ZFHX3: variants seen among roughly 807,000 people sequenced by gnomAD.
The protein encoded by ZFHX3 is zinc finger homeobox 3.
A neutral mutation model predicts 279.1 loss-of-function variants in ZFHX3; 42 were observed. The ratio of observed to expected loss-of-function variants is 0.15; its 90% CI spans 0.12 to 0.19. The LOEUF (loss-of-function observed/expected upper bound fraction) is 0.19. ZFHX3 is among the 10% of genes least tolerant of loss of function. The probability of loss-of-function intolerance (pLI) is 1.00; values close to 1 mark genes in which losing one functional copy is unlikely to be tolerated. For missense variants in ZFHX3, 4,981 were observed against 4,754.0 expected, an observed-to-expected ratio of 1.05 and a Z score of -1.40; for synonymous variants, 2,293 against 1,957.8, an observed-to-expected ratio of 1.17 and a Z score of -4.52.
intron 8 of ZFHX3, among the ~76,000 whole-genome samples, chr16:73,085,412 C>T (rs1757667517): frequency 6.6e-6 from 1 of 152,120 alleles, no homozygotes; most frequent in South Asian, 2.1e-4. Context: ...GTGTGCACCA[C>T]CACGCCCAGC....
intron 3 of ZFHX3, among the ~76,000 whole-genome samples, chr16:73,402,886 C>A (rs557423200): frequency 1.1e-3 from 157 of 148,034 alleles, no homozygotes; most frequent in African/African-American, 3.9e-3. Context: ...GGCTGTCGTA[C>A]ATATGGAAAA....
intron 5 of ZFHX3, among the ~76,000 whole-genome samples, chr16:73,172,334 G>T (rs1364770894): frequency 1.3e-5 from 2 of 152,322 alleles, no homozygotes; most frequent in Non-Finnish European, 1.5e-5. Context: ...CAGGCGCTTC[G>T]TGTTCTTCCC....
chr16:73,311,168 G>A (rs375274001), intron 4 of ZFHX3, among the ~76,000 whole-genome samples: 2 of 152,142 alleles, frequency 1.3e-5, no homozygotes, highest in Admixed American at 6.5e-5. Flanking sequence ...GGGAGGCAGA[G>A]GTTGCAGAGA....
At chr16:72,863,049 G>A (rs1052203789) in intron 4 of ZFHX3, among the ~76,000 whole-genome samples, 1 of 151,930 alleles carries the variant, frequency 6.6e-6, no homozygotes, top group Non-Finnish European at 1.5e-5. Flanking sequence ...TTTGAGACCA[G>A]CCTGGGCAAC....
At chr16:72,858,114 G>A (rs910358639) in intron 4 of ZFHX3, among the ~76,000 whole-genome samples, 1 of 152,276 alleles carries the variant, frequency 6.6e-6, no homozygotes, top group East Asian at 1.9e-4. Flanking sequence ...GCTTCCCTTG[G>A]TGCCCCCATC....
At chr16:73,140,169 G>A (rs1055846469) in intron 6 of ZFHX3, among the ~76,000 whole-genome samples, 1 of 152,102 alleles carries the variant, frequency 6.6e-6, no homozygotes, top group Non-Finnish European at 1.5e-5. Flanking sequence ...TTGGGAGGCC[G>A]AGTTGGGAAG....
At chr16:73,297,369 T>C (rs527747515) in intron 4 of ZFHX3, among the ~76,000 whole-genome samples, 36 of 152,116 alleles carry the variant, frequency 2.4e-4, no homozygotes, top group African/African-American at 8.5e-4. Flanking sequence ...AGGACAAACC[T>C]ACATGTGTGT....
chr16:73,692,650 T>C (rs2053160582), intron 1 of ZFHX3, among the ~76,000 whole-genome samples: 2 of 152,218 alleles, frequency 1.3e-5, no homozygotes, highest in African/African-American at 4.8e-5. Flanking sequence ...TTTGCCCAAG[T>C]GCAAATACTT....
At chr16:73,802,196 C>T (rs569375709) in intron 1 of ZFHX3, among the ~76,000 whole-genome samples, 20 of 152,050 alleles carry the variant, frequency 1.3e-4, no homozygotes, top group African/African-American at 4.3e-4. Flanking sequence ...CTTCATAAAA[C>T]CCCACTCCCA....
At chr16:73,546,754 T>C (rs891918646) in intron 2 of ZFHX3, among the ~76,000 whole-genome samples, 5 of 126,002 alleles carry the variant, frequency 4.0e-5, no homozygotes, top group Non-Finnish European at 9.1e-5. Context: ...TTTTTCGGCT[T>C]CTTCTTCTCC....
At chr16:73,360,811 T>A (rs2016422013) in intron 3 of ZFHX3, among the ~76,000 whole-genome samples, 1 of 152,192 alleles carries the variant, frequency 6.6e-6, no homozygotes, top group Admixed American at 6.5e-5. Flanking sequence ...TGCTGTCTCT[T>A]ACATTAAGTC....
At chr16:73,181,411 C>A (rs1342696902) in intron 5 of ZFHX3, among the ~76,000 whole-genome samples, 1 of 152,082 alleles carries the variant, frequency 6.6e-6, no homozygotes, top group East Asian at 1.9e-4. Flanking sequence ...GTTTTTAGAG[C>A]CCCATGGATT....
chr16:73,041,416 G>A lies in ZFHX3; in HGVS notation c.-50+6336C>T, dbSNP rs1965107764. 1.3e-5 allele frequency among the ~76,000 whole-genome samples: 2 copies of A among 151,132 alleles called. 1 individual carries two copies. On this transcript the variant is annotated intron_variant, in intron 1 of 9. Coordinates refer to ENST00000268489, the MANE Select transcript of ZFHX3 (RefSeq NM_006885.4). ...CCGTTAAAAAAGGGTGTGCAGGGCT[G>A]AGGTGACCCTACTACCGTCATTTCT...
intron 2 of ZFHX3, among the ~76,000 whole-genome samples, chr16:73,566,739 G>A (rs1009223982): frequency 6.8e-6 from 1 of 146,874 alleles, no homozygotes; most frequent in Non-Finnish European, 1.5e-5. Flanking sequence ...TTGTTGTCCA[G>A]GCTGGAGCGC....
rs1227712087 is a variant in ZFHX3, at chr16:73,073,254, A to T, written c.-532-14242T>A. ...GCCCATTGAAATGGCCCTGGCAGCC[A>T]GTCAGAAGAGAATCCAGTTATTATG... On this transcript the variant is annotated intron_variant, in intron 8 of 17. Coordinates refer to the ZFHX3 transcript ENST00000641206. Among the ~76,000 whole-genome samples the T allele has an allele frequency of 2.0e-5, 3 of 152,270 alleles. 1 individual carries two copies. The South Asian group carries it at 6.2e-4, about 32-fold the overall frequency.
At chr16:73,003,168 AT>A (rs1597077827) in intron 1 of ZFHX3, among the ~76,000 whole-genome samples, 1 of 152,142 alleles carries the variant, frequency 6.6e-6, no homozygotes, top group East Asian at 1.9e-4. Context: ...GATAGTTTCC[AT>A]TTTTCACTAT....
At chr16:73,494,492 C>T (rs755470015) in intron 2 of ZFHX3, among the ~76,000 whole-genome samples, 1 of 152,154 alleles carries the variant, frequency 6.6e-6, no homozygotes, top group Non-Finnish European at 1.5e-5. Context: ...GATGCACCGA[C>T]CTAATCATTA....
intron 3 of ZFHX3, among the ~76,000 whole-genome samples, chr16:73,363,609 TAGAA>T (rs1210206205): frequency 6.6e-6 from 1 of 151,896 alleles, no homozygotes; most frequent in East Asian, 1.9e-4. Context: ...ATAAATAAAA[TAGAA>T]AGGAAAAACA....
exon 1 of ZFHX3, chr16:73,059,558 C>G (rs1302328079): frequency 6.9e-6 from 1 of 145,338 alleles, no homozygotes; most frequent in Non-Finnish European, 1.5e-5. Flanking sequence ...CTCTCTCTCT[C>G]TCTCTAAGCA....
Sources: allele counts gnomAD v4.1 joint callset (sites outside exome capture counted in the v4.1 genomes callset), GRCh38; gene constraint gnomAD v4.1.1; transcripts MANE v1.5; gene names NCBI Gene and HGNC (gene_info 2026-07-23, HGNC 2026-07-21).